GLIS3: variants seen among roughly 807,000 people sequenced by gnomAD.
GLIS3 encodes the protein GLIS family zinc finger 3, also known as zinc finger protein GLIS3.
GLIS3 carries 53 observed loss-of-function variants against 78.6 expected under a neutral mutation model. That is an observed-to-expected ratio of 0.67 (90% CI 0.54 to 0.85). The LOEUF (loss-of-function observed/expected upper bound fraction) is 0.85. Among genes scored for constraint, GLIS3 ranks in the 40% least tolerant of loss-of-function variants. The pLI is 0.00. For synonymous variants in GLIS3, 684 were observed against 509.9 expected (o/e 1.34, Z -4.60); for missense variants, 1,703 against 1,231.1 (o/e 1.38, Z -5.74).
Position 3,968,338 on chromosome 9 carries a change from T to A in GLIS3, c.1711-31149A>T, listed in dbSNP as rs990004972. Among the ~76,000 whole-genome samples, 5 of 152,276 alleles carry A rather than the reference T, an allele frequency of 3.3e-5. No homozygotes were observed. In the South Asian group the frequency reaches 1.0e-3, roughly 32 times the overall value. On this transcript the variant is annotated intron_variant, in intron 4 of 10. Transcript: ENST00000381971. ...TGATGATAGGGAGCTTAACAGCACT[T>A]GTCTCAATACTCATGGTAGCCTAAT...
At position 4,028,579 on chromosome 9, in the gene GLIS3, G is replaced by C. The variant is rs143343297; in HGVS notation, c.1710+89189C>G. ...TGAATTTTCACAAAGTGACATACCT[G>C]TGTAGCCTAGATCAAAAAACAAAAC... is the stretch of plus-strand genomic sequence containing the variant. On this transcript the variant is annotated intron_variant, in intron 4 of 10. Transcript: ENST00000381971. Among the ~76,000 whole-genome samples, 65 of 152,260 alleles carry C rather than the reference G, an allele frequency of 4.3e-4. No individual in the cohort carries two copies. The East Asian group carries it at 0.011, about 27-fold the overall frequency.
At chr9:3,962,119 CT>C (rs1817605599) in intron 4 of GLIS3, among the ~76,000 whole-genome samples, 1 of 152,052 alleles carries the variant, frequency 6.6e-6, no homozygotes. Flanking sequence ...ACCTGGGAGG[CT>C]GAGGTAGGAG....
intron 1 of GLIS3, among the ~76,000 whole-genome samples, chr9:4,292,770 T>C (rs545040807): frequency 3.3e-5 from 5 of 152,320 alleles, no homozygotes; most frequent in African/African-American, 1.2e-4. Flanking sequence ...TTCCCTGGAA[T>C]AAAACTCCCC....
At chr9:4,121,638 C>CAA (rs1430115398) in intron 3 of GLIS3, among the ~76,000 whole-genome samples, 12 of 151,666 alleles carry the variant, frequency 7.9e-5, no homozygotes, top group Non-Finnish European at 1.0e-4. Flanking sequence ...CACACACACA[C>CAA]ACACACACAC....
In GLIS3 at chr9:4,121,620, GACACACACACAC is replaced by G. The variant is rs767610111; in HGVS notation, c.597-2751_597-2740del. Among the ~76,000 whole-genome samples the G allele has an allele frequency of 8.7e-3, 1,243 of 142,206 alleles. 18 individuals carry two copies. The highest frequency in any genetic ancestry group is 0.031 in the African/African-American group (1,171 of 38,206). The allele number at this position is 142,206 out of a possible 152,430, so 93.3% of individuals were successfully genotyped here. A position where few individuals can be genotyped will look rare whatever the true frequency, so the allele number is the denominator to read the frequency against. ...CAGGGTTTGGGAAATTTCTCCCAGTGACACACACACACACACACACACACACACACACACACA... is the reference window on the plus strand; with the variant it reads ...CAGGGTTTGGGAAATTTCTCCCAGTGACACACACACACACACACACACACA... On this transcript the variant is annotated intron_variant, in intron 3 of 10. Coordinates refer to ENST00000381971, the MANE Select transcript of GLIS3 (RefSeq NM_001042413.2).
intron 2 of GLIS3, among the ~76,000 whole-genome samples, chr9:4,181,020 C>A (rs966088779): frequency 6.6e-5 from 10 of 152,190 alleles, no homozygotes; most frequent in African/African-American, 2.4e-4. Context: ...AGCAAGGTGT[C>A]CACCTCAGAC....
chr9:4,150,364 G>A (rs1050169518), intron 2 of GLIS3, among the ~76,000 whole-genome samples: 4 of 152,170 alleles, frequency 2.6e-5, no homozygotes, highest in East Asian at 1.9e-4. Context: ...GGAGGAAAAC[G>A]TAAATTTGTA....
chr9:4,078,350 T>G (rs796321296), intron 4 of GLIS3, among the ~76,000 whole-genome samples: 6 of 152,302 alleles, frequency 3.9e-5, no homozygotes, highest in African/African-American at 1.4e-4. Flanking sequence ...GTCCTGCTCC[T>G]GACCCATTCT....
At chr9:3,953,645 T>TA (rs1816844750) in intron 4 of GLIS3, among the ~76,000 whole-genome samples, 1 of 152,230 alleles carries the variant, frequency 6.6e-6, no homozygotes, top group Non-Finnish European at 1.5e-5. Context: ...GCATGTTTAA[T>TA]GACTTTTCAA....
chr9:4,312,950 C>A (rs73386210), intron 2 of GLIS3, among the ~76,000 whole-genome samples: 5 of 152,214 alleles, frequency 3.3e-5, no homozygotes, highest in African/African-American at 9.7e-5. Flanking sequence ...CATGCACACA[C>A]TGAGGTACAG....
At chr9:4,238,205 A>G (rs1300244901) in intron 2 of GLIS3, among the ~76,000 whole-genome samples, 1 of 152,182 alleles carries the variant, frequency 6.6e-6, no homozygotes, top group Non-Finnish European at 1.5e-5. Flanking sequence ...GCTTCCTGAG[A>G]GACCGAAACA....
At chr9:4,311,419 C>A (rs1221363668) in intron 2 of GLIS3, among the ~76,000 whole-genome samples, 1 of 152,146 alleles carries the variant, frequency 6.6e-6, no homozygotes, top group Non-Finnish European at 1.5e-5. Flanking sequence ...AAAAAAGTAA[C>A]TAAATAAAGT....
chr9:3,948,526 A>C (rs1440743426), intron 4 of GLIS3, among the ~76,000 whole-genome samples: 1 of 152,176 alleles, frequency 6.6e-6, no homozygotes, highest in Non-Finnish European at 1.5e-5. Context: ...TCAGAATTGT[A>C]ACCTCAATCC....
intron 2 of GLIS3, among the ~76,000 whole-genome samples, chr9:4,138,315 C>G (rs764159201): frequency 6.6e-5 from 10 of 152,162 alleles, no homozygotes; most frequent in Non-Finnish European, 1.3e-4. Context: ...TAGGCTTGGT[C>G]CTAGGCCGTA....
rs117853855 is a variant in GLIS3 at position 4,038,818 on chromosome 9, C to T, written c.1710+78950G>A. On this transcript the variant is annotated intron_variant, in intron 4 of 10. Coordinates refer to ENST00000381971, the MANE Select transcript of GLIS3 (RefSeq NM_001042413.2). ...TGTGGATCCAGCCTTTAAATGCATT[C>T]AACACTGTGCATTCAAGTATCCCTG... 3.9e-5 allele frequency among the ~76,000 whole-genome samples: 6 copies of T among 151,972 alleles called. No homozygotes were observed. The East Asian group carries it at 1.2e-3, about 30-fold the overall frequency.
At chr9:4,227,714 T>C (rs1001155496) in intron 2 of GLIS3, among the ~76,000 whole-genome samples, 4 of 152,124 alleles carry the variant, frequency 2.6e-5, no homozygotes, top group African/African-American at 9.7e-5. Context: ...AAACCCAACA[T>C]ATTATCATGG....
Position 4,067,618 on chromosome 9 carries a change from C to T in GLIS3, c.1710+50150G>A, listed in dbSNP as rs143069144. On this transcript the variant is annotated intron_variant, in intron 4 of 10. Transcript: ENST00000381971. The stretch of plus-strand genomic sequence containing the variant: ...CTCCTCAAATTCAACAAGATTCAAG[C>T]GGCCACTTTATGTATGAAACTAGAG... Among the ~76,000 whole-genome samples the T allele has an allele frequency of 1.1e-4, 16 of 152,124 alleles. No individual in the cohort carries two copies. In the East Asian group the frequency reaches 2.7e-3, roughly 26 times the overall value.
At chr9:4,451,574 C>A in the GLIS3 span, among the ~76,000 whole-genome samples, 1 of 152,056 alleles carries the variant, frequency 6.6e-6, no homozygotes, top group South Asian at 2.1e-4. Context: ...TCGCACTTAC[C>A]CCAAAATTGA....
intron 4 of GLIS3, among the ~76,000 whole-genome samples, chr9:4,044,694 G>T (rs1825106739): frequency 6.6e-6 from 1 of 152,202 alleles, no homozygotes; most frequent in African/African-American, 2.4e-5. Context: ...TCATGGGCAT[G>T]ACTGAGGGTG....
Sources: gnomAD v4.1 joint callset for allele counts (sites outside exome capture counted in the v4.1 genomes callset) on GRCh38, gnomAD v4.1.1 for gene constraint, MANE v1.5 for transcripts, NCBI Gene and HGNC (gene_info 2026-07-23, HGNC 2026-07-21) for gene names.